GRK7: variants seen among roughly 807,000 people sequenced by gnomAD.
GRK7 encodes the protein G protein-coupled receptor kinase 7.
GRK7 carries 24 observed loss-of-function variants against 34.1 expected under a neutral mutation model. The observed-to-expected ratio is 0.70, with a 90% CI of 0.51 to 0.99. GRK7 has a LOEUF of 0.99. GRK7 is among the 50% of genes least tolerant of loss of function. The pLI, the probability that GRK7 is intolerant of heterozygous loss-of-function variation, is 0.00. For missense variants in GRK7, 644 were observed against 707.3 expected (o/e 0.91, Z 1.02); for synonymous variants, 256 against 279.4 (o/e 0.92, Z 0.84).
rs769388963 is a variant in GRK7, at chr3:141,780,652, G to A, written c.891G>A (p.Ser297=). 96 of 1,614,168 alleles carry A rather than the reference G, an allele frequency of 5.9e-5. No homozygotes were observed. The highest frequency in any genetic ancestry group is 1.2e-4 in the Admixed American group (7 of 60,022). The change falls in exon 4 of 6, where the codon TCG becomes TCA. Residue 297 remains serine, a synonymous_variant. Transcript: ENST00000682958. The part of the protein sequence containing the change: ...GLDMSRVIFY[S]AQIACGMLHL... ...ACATGAGCCGGGTGATCTTTTACTC[G>A]GCCCAGATAGCCTGTGGGATGCTGC...
intron 4 of GRK7, among the ~76,000 whole-genome samples, chr3:141,806,365 C>T (rs1486962937): frequency 6.6e-6 from 1 of 152,022 alleles, no homozygotes; most frequent in Non-Finnish European, 1.5e-5. Context: ...GGGTTCAAGA[C>T]CAGCCTGGCC....
rs1711049703 is a variant in GRK7, at chr3:141,807,689, G to C, written c.1095G>C (p.Lys365Asn). 1.2e-6 allele frequency: 2 copies of C among 1,614,156 alleles called. No individual in the cohort carries two copies. Among genetic ancestry groups the C allele is most frequent in the Non-Finnish European group, 1.7e-6 (2 of 1,179,992 alleles). Reference protein sequence around the residue: ...GYMAPEILMEKVSYSYPVDWF... With the variant: ...GYMAPEILMENVSYSYPVDWF... ...TGGCTCCTGAGATCCTAATGGAAAA[G>C]GTAAGTTATTCCTATCCTGTGGACT... The change falls in exon 5 of 6, where the codon AAG (lysine) becomes AAC (asparagine). Residue 365 changes from lysine (K) to asparagine (N), a missense_variant. Coordinates refer to ENST00000682958, the MANE Select transcript of GRK7 (RefSeq NM_139209.3).
At chr3:141,774,150 C>T (rs1384445984) in intron 1 of GRK7, among the ~76,000 whole-genome samples, 2 of 152,082 alleles carry the variant, frequency 1.3e-5, no homozygotes, top group African/African-American at 4.8e-5. Flanking sequence ...GAAAGTGTTC[C>T]AGCCGGGCAT....
intron 4 of GRK7, among the ~76,000 whole-genome samples, chr3:141,798,531 G>T (rs1440067097): frequency 6.6e-6 from 1 of 152,156 alleles, no homozygotes; most frequent in African/African-American, 2.4e-5. Context: ...TGGGCATGGC[G>T]GTTCTGGTCA....
At chr3:141,775,401 AAAAAG>A (rs891961553) in intron 2 of GRK7, among the ~76,000 whole-genome samples, 4 of 152,202 alleles carry the variant, frequency 2.6e-5, no homozygotes, top group Non-Finnish European at 4.4e-5. Context: ...CTGTCTAAAA[AAAAAG>A]AAAAGAAAAG....
chr3:141,791,832 T>A (rs1003655675), intron 4 of GRK7, among the ~76,000 whole-genome samples: 1 of 151,102 alleles, frequency 6.6e-6, no homozygotes, highest in African/African-American at 2.4e-5. Context: ...GGTGAAAACC[T>A]GTATCTACTA....
chr3:141,791,856 T>C (rs943864635), intron 4 of GRK7, among the ~76,000 whole-genome samples: 6 of 150,760 alleles, frequency 4.0e-5, no homozygotes, highest in African/African-American at 1.5e-4. Flanking sequence ...ATACAAAAAT[T>C]AGCTGGGTGT....
rs2107869367 is a variant in GRK7 at position 141,764,224 on chromosome 3, G to A, written c.-1729G>A. On this transcript the variant is annotated 5_prime_UTR_variant, in exon 1 of 6. It adds an upstream start codon to the 5' untranslated region. Transcript: ENST00000682958. The stretch of plus-strand genomic sequence containing the variant: ...CCATCCCCTGATCTCATCTCTTCCA[G>A]TGATGTGCTCTCCACCCCTGCCTTG... 6.6e-6 allele frequency among the ~76,000 whole-genome samples: 1 copy of A among 152,186 alleles called. No homozygotes were observed. Among genetic ancestry groups the A allele is most frequent in the Admixed American group, 6.5e-5 (1 of 15,274 alleles).
chr3:141,750,845 G>A, the GRK7 span, among the ~76,000 whole-genome samples: 1 of 150,958 alleles, frequency 6.6e-6, no homozygotes, highest in African/African-American at 2.4e-5. Context: ...AAAGAAGTGT[G>A]TGTGTACCAA....
intron 1 of GRK7, among the ~76,000 whole-genome samples, chr3:141,770,060 G>A (rs114258283): frequency 0.028 from 4,323 of 152,088 alleles, 69 homozygotes; most frequent in East Asian, 0.051. Flanking sequence ...GATTACAACC[G>A]CCCGCTACCA....
chr3:141,772,490 A>G (rs568463494), intron 1 of GRK7, among the ~76,000 whole-genome samples: 20 of 152,348 alleles, frequency 1.3e-4, no homozygotes, highest in African/African-American at 2.2e-4. Flanking sequence ...GCACTGCACT[A>G]TATTACTTCC....
chr3:141,789,132 T>C (rs2084710857), intron 4 of GRK7, among the ~76,000 whole-genome samples: 1 of 152,192 alleles, frequency 6.6e-6, no homozygotes, highest in African/African-American at 2.4e-5. Flanking sequence ...AAAGAAGTTT[T>C]AAACTCAAAA....
chr3:141,770,528 A>G (rs1162331696), intron 1 of GRK7, among the ~76,000 whole-genome samples: 1 of 151,970 alleles, frequency 6.6e-6, no homozygotes, highest in African/African-American at 2.4e-5. Flanking sequence ...CCCTTTTGCT[A>G]TACTTTCCAG....
At chr3:141,783,424 T>G (rs1347332016) in intron 4 of GRK7, among the ~76,000 whole-genome samples, 1 of 152,234 alleles carries the variant, frequency 6.6e-6, no homozygotes, top group African/African-American at 2.4e-5. Flanking sequence ...GAGCGGGTTC[T>G]AGTTAGTAAG....
At chr3:141,810,809 T>C (rs1711085710) in intron 5 of GRK7, among the ~76,000 whole-genome samples, 1 of 152,160 alleles carries the variant, frequency 6.6e-6, no homozygotes, top group Non-Finnish European at 1.5e-5. Flanking sequence ...GTAAGGGTGC[T>C]GACTAGTGTC....
intron 5 of GRK7, among the ~76,000 whole-genome samples, chr3:141,814,164 A>G (rs1335650604): frequency 6.6e-6 from 1 of 152,134 alleles, no homozygotes; most frequent in Non-Finnish European, 1.5e-5. Flanking sequence ...AATATGATTA[A>G]TTTCTAATTG....
chr3:141,792,197 G>A (rs1022950816), intron 4 of GRK7, among the ~76,000 whole-genome samples: 2 of 151,900 alleles, frequency 1.3e-5, no homozygotes, highest in African/African-American at 4.8e-5. Flanking sequence ...GAGGTCAGGA[G>A]TTCGAGACCA....
chr3:141,784,191 C>G (rs2084685061), intron 4 of GRK7, among the ~76,000 whole-genome samples: 1 of 152,122 alleles, frequency 6.6e-6, no homozygotes, highest in Non-Finnish European at 1.5e-5. Context: ...TCCTTGGCTC[C>G]CGGGTGCAGC....
chr3:141,805,890 T>C (rs1028963084), intron 4 of GRK7, among the ~76,000 whole-genome samples: 3 of 152,320 alleles, frequency 2.0e-5, no homozygotes, highest in Admixed American at 1.3e-4. Context: ...TCGAACTCCT[T>C]GGCTGAAGGG....
Sources: allele counts gnomAD v4.1 joint callset (sites outside exome capture counted in the v4.1 genomes callset), GRCh38; gene constraint gnomAD v4.1.1; transcripts MANE v1.5; gene names NCBI Gene and HGNC (gene_info 2026-07-23, HGNC 2026-07-21).